Variants in HMGCLL1 observed in about 807,000 individuals in gnomAD.
HMGCLL1 encodes the protein 3-hydroxy-3-methylglutaryl-CoA lyase like 1.
A neutral mutation model predicts 39.1 loss-of-function variants in HMGCLL1; 36 were observed. The ratio of observed to expected loss-of-function variants is 0.92; its 90% CI spans 0.71 to 1.22. HMGCLL1 has a LOEUF of 1.22. Ranked by LOEUF, HMGCLL1 falls within the 50% of genes most tolerant of loss-of-function variation. The probability of loss-of-function intolerance (pLI) is 0.00; values close to 1 mark genes in which losing one functional copy is unlikely to be tolerated. For missense variants in HMGCLL1, 451 were observed against 416.5 expected (o/e 1.08, Z -0.72); for synonymous variants, 149 against 144.0 (o/e 1.03, Z -0.25).
At chr6:55,609,731 C>T in the HMGCLL1 span, among the ~76,000 whole-genome samples, 1 of 152,064 alleles carries the variant, frequency 6.6e-6, no homozygotes, top group Non-Finnish European at 1.5e-5. Flanking sequence ...TGCATGAGAA[C>T]CCCCAACAGG....
At chr6:55,518,708 T>C (rs771407776) in intron 3 of HMGCLL1, among the ~76,000 whole-genome samples, 12 of 152,060 alleles carry the variant, frequency 7.9e-5, no homozygotes, top group Non-Finnish European at 1.6e-4. Flanking sequence ...AGAACCCATG[T>C]GAAGAGGAAC....
chr6:55,521,636 A>G (rs1218365680), intron 3 of HMGCLL1, among the ~76,000 whole-genome samples: 1 of 152,090 alleles, frequency 6.6e-6, no homozygotes, highest in Non-Finnish European at 1.5e-5. Context: ...GAACCACACC[A>G]TATAAGATGG....
chr6:55,525,600 A>G (rs1670879175), intron 3 of HMGCLL1, among the ~76,000 whole-genome samples: 1 of 151,946 alleles, frequency 6.6e-6, no homozygotes, highest in Admixed American at 6.6e-5. Context: ...AGTATGTGTC[A>G]TTTACTGAAG....
At chr6:55,619,821 A>G in the HMGCLL1 span, among the ~76,000 whole-genome samples, 1 of 152,228 alleles carries the variant, frequency 6.6e-6, no homozygotes, top group Non-Finnish European at 1.5e-5. Flanking sequence ...TTAGGTACAC[A>G]TTAACCATGC....
chr6:55,486,919 CT>C (rs1033783648), intron 7 of HMGCLL1, among the ~76,000 whole-genome samples: 13 of 152,204 alleles, frequency 8.5e-5, no homozygotes, highest in African/African-American at 3.1e-4. Context: ...TGCTTGGCAT[CT>C]TCTTTCCTCC....
At chr6:55,548,631 T>C (rs1194535640) in intron 1 of HMGCLL1, among the ~76,000 whole-genome samples, 1 of 151,992 alleles carries the variant, frequency 6.6e-6, no homozygotes, top group South Asian at 2.1e-4. Flanking sequence ...TCCATTTTTT[T>C]AAAAGTAGCT....
intron 1 of HMGCLL1, among the ~76,000 whole-genome samples, chr6:55,545,251 T>C (rs1379689833): frequency 6.6e-6 from 1 of 151,488 alleles, no homozygotes; most frequent in African/African-American, 2.4e-5. Context: ...AGGTACGTAG[T>C]GTTTTTTAAG....
chr6:55,507,785 C>G (rs1581872941), intron 5 of HMGCLL1, among the ~76,000 whole-genome samples: 1 of 151,674 alleles, frequency 6.6e-6, no homozygotes, highest in African/African-American at 2.4e-5. Flanking sequence ...TTCATAGCTC[C>G]CACATTATAT....
the HMGCLL1 span, among the ~76,000 whole-genome samples, chr6:55,663,927 C>T: frequency 1.3e-5 from 2 of 151,640 alleles, no homozygotes; most frequent in African/African-American, 4.8e-5. Flanking sequence ...TATGTAATGC[C>T]CTTCTTTCTC....
At chr6:55,544,797 A>G (rs954025375) in intron 1 of HMGCLL1, among the ~76,000 whole-genome samples, 1 of 152,134 alleles carries the variant, frequency 6.6e-6, no homozygotes, top group South Asian at 2.1e-4. Context: ...AATAAGCAAA[A>G]AAAGCAACCT....
At chr6:55,553,737 TA>T (rs1561958806) in intron 1 of HMGCLL1, among the ~76,000 whole-genome samples, 1 of 152,180 alleles carries the variant, frequency 6.6e-6, no homozygotes, top group East Asian at 1.9e-4. Flanking sequence ...TTTTTTCTGA[TA>T]TTTTGCAAAA....
intron 1 of HMGCLL1, among the ~76,000 whole-genome samples, chr6:55,551,044 C>CAAA (rs773132435): frequency 0.027 from 2,949 of 107,532 alleles, 121 homozygotes; most frequent in African/African-American, 0.093. Flanking sequence ...ATTTTCAGAC[C>CAAA]AAAAAAAAAA....
chr6:55,448,026 G>A (rs1042975863), intron 7 of HMGCLL1, among the ~76,000 whole-genome samples: 2 of 152,118 alleles, frequency 1.3e-5, no homozygotes, highest in African/African-American at 2.4e-5. Flanking sequence ...CTTTTCTTAT[G>A]AGACTTTCTG....
At chr6:55,518,319 T>C (rs918509517) in intron 3 of HMGCLL1, among the ~76,000 whole-genome samples, 2 of 152,122 alleles carry the variant, frequency 1.3e-5, no homozygotes, top group African/African-American at 4.8e-5. Flanking sequence ...AAGGTTGGTA[T>C]GGCCTATAAA....
At chr6:55,516,063 G>T (rs1365098973) in intron 4 of HMGCLL1, among the ~76,000 whole-genome samples, 2 of 151,914 alleles carry the variant, frequency 1.3e-5, no homozygotes, top group Non-Finnish European at 2.9e-5. Flanking sequence ...AGTAACTAGA[G>T]CCAGATAAAA....
intron 7 of HMGCLL1, among the ~76,000 whole-genome samples, chr6:55,464,762 G>A (rs73447024): frequency 0.051 from 7,747 of 152,134 alleles, 226 homozygotes; most frequent in African/African-American, 0.063. Flanking sequence ...CATCCCAGGC[G>A]CTGTGAACCT....
chr6:55,639,471 T>C, the HMGCLL1 span, among the ~76,000 whole-genome samples: 2 of 151,530 alleles, frequency 1.3e-5, no homozygotes, highest in Admixed American at 6.6e-5. Context: ...TTTCTTGTCT[T>C]TCTGGAGCTA....
intron 7 of HMGCLL1, among the ~76,000 whole-genome samples, chr6:55,460,909 A>G (rs1467871297): frequency 6.6e-6 from 1 of 152,014 alleles, no homozygotes. Flanking sequence ...TAACACTAGC[A>G]ACAATGAAAT....
chr6:55,487,175 G>A (rs77690294), intron 7 of HMGCLL1, among the ~76,000 whole-genome samples: 4,325 of 151,544 alleles, frequency 0.029, 85 homozygotes, highest in Admixed American at 0.039. Context: ...TTAGTCTCTG[G>A]GTCTCTGGTC....
Sources: gnomAD v4.1 joint callset for allele counts (sites outside exome capture counted in the v4.1 genomes callset) on GRCh38, gnomAD v4.1.1 for gene constraint, MANE v1.5 for transcripts, NCBI Gene and HGNC (gene_info 2026-07-23, HGNC 2026-07-21) for gene names.